DMD: variants seen among roughly 807,000 people sequenced by gnomAD.
DMD encodes mutant dystrophin.
In DMD, 63 loss-of-function variants were observed where a neutral mutation model predicts 330.1. The ratio of observed to expected loss-of-function variants is 0.19; its 90% CI spans 0.16 to 0.24. DMD has a LOEUF of 0.24. Ranked by LOEUF, DMD falls within the 10% of genes least tolerant of loss-of-function variation. The probability of loss-of-function intolerance (pLI) is 1.00; values close to 1 mark genes in which losing one functional copy is unlikely to be tolerated. For missense variants in DMD, 3,344 were observed against 2,684.1 expected (o/e 1.25, Z -5.43); for synonymous variants, 1,223 against 959.8 (o/e 1.27, Z -5.07).
chrX:32,468,404 G>A (rs1174849104), intron 23 of DMD, 94 bp downstream of exon 23: 8 of 795,533 alleles, frequency 1.0e-5, no homozygotes, highest in South Asian at 7.1e-5. Context: ...GATGCTGAAG[G>A]TCAAATGCTT....
chrX:32,485,910 A>T (rs980193975), intron 20 of DMD, among the ~76,000 whole-genome samples: 4 of 107,151 alleles, frequency 3.7e-5, no homozygotes, highest in Non-Finnish European at 1.9e-5. Context: ...TGTCCAGCAA[A>T]TTTTTTTTAT....
At chrX:31,500,863 T>C (rs1426080055) in intron 56 of DMD, among the ~76,000 whole-genome samples, 1 of 112,277 alleles carries the variant, frequency 8.9e-6, no homozygotes, top group Non-Finnish European at 1.9e-5. Context: ...AAACCTTTGT[T>C]AGATGAGAAA....
chrX:31,571,976 C>T (rs1447456621), intron 55 of DMD, among the ~76,000 whole-genome samples: 1 of 111,022 alleles, frequency 9.0e-6, no homozygotes, highest in African/African-American at 3.3e-5. Flanking sequence ...AAATTATTTT[C>T]TTTTAAAAGA....
At chrX:33,215,323 C>A (rs866309798), upstream of DMD, among the ~76,000 whole-genome samples, 66 of 87,821 alleles carry the variant, frequency 7.5e-4, no homozygotes, top group Non-Finnish European at 8.1e-4. Flanking sequence ...GACCCTATCT[C>A]AAAAAAAAAA....
intron 62 of DMD, among the ~76,000 whole-genome samples, chrX:31,311,537 T>C (rs1336722412): frequency 1.8e-5 from 2 of 111,839 alleles, no homozygotes; most frequent in Admixed American, 1.9e-4. Context: ...ACCATGCTGT[T>C]TTGGTTACTG....
chrX:31,439,777 T>C (rs1267076049), intron 60 of DMD, among the ~76,000 whole-genome samples: 1 of 112,083 alleles, frequency 8.9e-6, no homozygotes, highest in African/African-American at 3.2e-5. Flanking sequence ...TCAGTGTGTG[T>C]ACTATTTCAA....
intron 9 of DMD, among the ~76,000 whole-genome samples, chrX:32,655,630 A>C (rs913343564): frequency 8.9e-6 from 1 of 111,827 alleles, no homozygotes; most frequent in Non-Finnish European, 1.9e-5. Context: ...TTAGGGGTGG[A>C]GAGTTCTGTA....
chrX:31,796,447 A>G (rs778629507), intron 50 of DMD, among the ~76,000 whole-genome samples: 6 of 112,305 alleles, frequency 5.3e-5, no homozygotes, highest in Admixed American at 9.4e-5. Context: ...AGTAAGAGGA[A>G]TAGATTTTCA....
chrX:32,876,499 CTGTT>C (rs912661802), intron 2 of DMD, among the ~76,000 whole-genome samples: 8 of 111,678 alleles, frequency 7.2e-5, no homozygotes, highest in Non-Finnish European at 1.3e-4. Flanking sequence ...CTTCAAGGCT[CTGTT>C]TGAATGAATT....
intron 1 of DMD, among the ~76,000 whole-genome samples, chrX:33,232,912 T>C (rs1258497603): frequency 9.0e-6 from 1 of 111,212 alleles, no homozygotes; most frequent in South Asian, 3.7e-4. Context: ...GAATGAAGAT[T>C]ACCACAGAAA....
At chrX:32,943,044 G>C (rs926846812) in intron 2 of DMD, among the ~76,000 whole-genome samples, 2 of 111,690 alleles carry the variant, frequency 1.8e-5, no homozygotes, top group Admixed American at 9.5e-5. Flanking sequence ...TCTCATAAGA[G>C]AGACTGTAGA....
At chrX:31,236,540 A>G (rs1408107315) in intron 63 of DMD, among the ~76,000 whole-genome samples, 2 of 112,321 alleles carry the variant, frequency 1.8e-5, no homozygotes, top group African/African-American at 6.5e-5. Context: ...TTTAACGTTT[A>G]AAACAATTTT....
At chrX:31,339,202 C>T (rs1318147548) in intron 61 of DMD, among the ~76,000 whole-genome samples, 1 of 111,541 alleles carries the variant, frequency 9.0e-6, no homozygotes, top group African/African-American at 3.3e-5. Context: ...GCCAACGATG[C>T]AAAATCTGGT....
intron 48 of DMD, among the ~76,000 whole-genome samples, chrX:31,850,689 A>G (rs1603499147): frequency 8.9e-6 from 1 of 112,575 alleles, no homozygotes; most frequent in Admixed American, 9.4e-5. Flanking sequence ...GAATGAAAAG[A>G]CCTTAACTTG....
At chrX:33,081,224 C>T (rs895259640) in intron 1 of DMD, among the ~76,000 whole-genome samples, 7 of 111,339 alleles carry the variant, frequency 6.3e-5, no homozygotes, top group South Asian at 3.8e-4. Context: ...AGAAATACTA[C>T]GGGAGAAGAC....
In DMD at chrX:31,885,467, G is replaced by A. The variant is rs1232776997; in HGVS notation, c.6913-10094C>T. ...CTACTAAAAATACAAAAAATTAGCCGGGCATGGTGGTGGGCACCTGTAGTC... is the reference window on the plus strand; with the variant it reads ...CTACTAAAAATACAAAAAATTAGCCAGGCATGGTGGTGGGCACCTGTAGTC... On this transcript the variant is annotated intron_variant, in intron 47 of 78. Transcript: ENST00000357033. Among the ~76,000 whole-genome samples the A allele has an allele frequency of 2.7e-5, 3 of 109,372 alleles. No individual in the cohort carries two copies. The Admixed American group carries it at 2.9e-4, about 11-fold the overall frequency. 95.0% of individuals were successfully genotyped at this position (109,372 alleles called of 115,157 possible).
At chrX:32,031,252 T>C (rs181830831) in intron 44 of DMD, among the ~76,000 whole-genome samples, 2 of 111,482 alleles carry the variant, frequency 1.8e-5, no homozygotes, top group East Asian at 5.7e-4. Context: ...CAGCTCTAAC[T>C]ATCACATATG....
At chrX:32,361,184 TAAGGATTGAAATA>T (rs1221258356) in intron 37 of DMD, among the ~76,000 whole-genome samples, 2 of 111,869 alleles carry the variant, frequency 1.8e-5, no homozygotes, top group Non-Finnish European at 3.8e-5. Context: ...TAGCATTTTT[TAAGGATTGAAATA>T]AATCTCCATT....
intron 44 of DMD, among the ~76,000 whole-genome samples, chrX:32,030,514 T>G (rs2095875242): frequency 8.9e-6 from 1 of 112,152 alleles, no homozygotes; most frequent in Non-Finnish European, 1.9e-5. Flanking sequence ...GATAAGGAGA[T>G]AGCAGTGATC....
Sources: gnomAD v4.1 joint callset for allele counts (sites outside exome capture counted in the v4.1 genomes callset) on GRCh38, gnomAD v4.1.1 for gene constraint, MANE v1.5 for transcripts, NCBI Gene and HGNC (gene_info 2026-07-23, HGNC 2026-07-21) for gene names.